Variants in UBE2L3 observed in about 807,000 individuals in gnomAD.
UBE2L3 encodes the protein ubiquitin conjugating enzyme E2 L3, also known as ubiquitin-conjugating enzyme E2 L3.
A neutral mutation model predicts 17.8 loss-of-function variants in UBE2L3; 1 was observed. That is an observed-to-expected ratio of 0.06 (90% CI 0.02 to 0.27). The LOEUF (loss-of-function observed/expected upper bound fraction) is 0.27. Ranked by LOEUF, UBE2L3 falls within the 10% of genes least tolerant of loss-of-function variation. UBE2L3 has a pLI of 1.00. For missense variants in UBE2L3, 40 were observed against 192.6 expected (o/e 0.21, Z 4.69); for synonymous variants, 44 against 68.5 (o/e 0.64, Z 1.76).
At chr22:21,558,209 C>T (rs567906263) in intron 1 of UBE2L3, among the ~76,000 whole-genome samples, 6 of 151,742 alleles carry the variant, frequency 4.0e-5, no homozygotes, top group Non-Finnish European at 8.8e-5. Flanking sequence ...TTTGTGGAGC[C>T]TGCCTGGCCT....
At chr22:21,611,313 C>T (rs957183231) in intron 3 of UBE2L3, among the ~76,000 whole-genome samples, 2 of 152,190 alleles carry the variant, frequency 1.3e-5, no homozygotes, top group Non-Finnish European at 2.9e-5. Context: ...TGGCTTGCTG[C>T]TGGTGCAGAG....
chr22:21,584,688 A>AC (rs1412615972), intron 1 of UBE2L3, among the ~76,000 whole-genome samples: 1 of 149,474 alleles, frequency 6.7e-6, no homozygotes, highest in African/African-American at 2.5e-5. Context: ...CGCTTCGGCA[A>AC]CCCAAAGTGC....
intron 2 of UBE2L3, among the ~76,000 whole-genome samples, chr22:21,595,260 C>T (rs932875707): frequency 2.3e-4 from 35 of 152,204 alleles, no homozygotes; most frequent in Admixed American, 8.5e-4. Flanking sequence ...CTTCCAGGGC[C>T]CCTGGGTTTG....
chr22:21,597,611 A>G (rs1415573302), intron 2 of UBE2L3, among the ~76,000 whole-genome samples: 2 of 151,788 alleles, frequency 1.3e-5, no homozygotes, highest in Non-Finnish European at 2.9e-5. Context: ...AATTTTTAAT[A>G]AAGAAGTCCA....
intron 1 of UBE2L3, among the ~76,000 whole-genome samples, chr22:21,584,680 C>T (rs1314493194): frequency 6.6e-6 from 1 of 150,796 alleles, no homozygotes; most frequent in Admixed American, 6.6e-5. Flanking sequence ...GATTTTCCCG[C>T]TTCGGCAACC....
chr22:21,613,099 C>T (rs1301999237), intron 3 of UBE2L3, among the ~76,000 whole-genome samples: 1 of 152,190 alleles, frequency 6.6e-6, no homozygotes, highest in Non-Finnish European at 1.5e-5. Flanking sequence ...CCAGGAAAGC[C>T]CTGCACCTCA....
intron 3 of UBE2L3, among the ~76,000 whole-genome samples, chr22:21,612,226 C>G (rs1929516040): frequency 6.6e-6 from 1 of 152,214 alleles, no homozygotes; most frequent in South Asian, 2.1e-4. Context: ...AACATTCAGT[C>G]AGGGCAGAAC....
chr22:21,562,861 C>G (rs1294791001), upstream of UBE2L3, among the ~76,000 whole-genome samples: 1 of 151,900 alleles, frequency 6.6e-6, no homozygotes, highest in Non-Finnish European at 1.5e-5. Context: ...GTGCCCAGGA[C>G]TCCATGCTGA....
chr22:21,606,043 T>C (rs1280869815), intron 2 of UBE2L3, among the ~76,000 whole-genome samples: 1 of 152,238 alleles, frequency 6.6e-6, no homozygotes, highest in African/African-American at 2.4e-5. Context: ...CATCATAAAC[T>C]CTGGGTACAG....
chr22:21,616,389 G>C (rs567162446), intron 3 of UBE2L3, among the ~76,000 whole-genome samples: 1 of 152,070 alleles, frequency 6.6e-6, no homozygotes, highest in Non-Finnish European at 1.5e-5. Flanking sequence ...GGTGGGTCAC[G>C]CCTGTAATCC....
intron 1 of UBE2L3, among the ~76,000 whole-genome samples, chr22:21,592,110 A>G (rs951907393): frequency 2.6e-5 from 4 of 152,216 alleles, no homozygotes; most frequent in African/African-American, 9.7e-5. Flanking sequence ...TTCTGGGTGA[A>G]ATGGCACTTG....
rs1926251424 is a variant in UBE2L3, at chr22:21,556,936, C to T, written c.201+7286C>T. Among the ~76,000 whole-genome samples, 3 of 152,344 alleles carry T rather than the reference C, an allele frequency of 2.0e-5. No individual in the cohort carries two copies. The South Asian group carries it at 6.2e-4, about 32-fold the overall frequency. On this transcript the variant is annotated intron_variant, in intron 1 of 3. Transcript: ENST00000458578. ...GGGCATGGTGGCAGGTGCCTGTAAT[C>T]CCAGCTACTCGGGAGGCTGAGGCAG... is the stretch of plus-strand genomic sequence containing the variant.
chr22:21,588,965 A>AT (rs994187851), intron 1 of UBE2L3, among the ~76,000 whole-genome samples: 2 of 150,478 alleles, frequency 1.3e-5, no homozygotes, highest in African/African-American at 2.4e-5. Context: ...CCCGGGCTGT[A>AT]TTTTTTTTAG....
intron 1 of UBE2L3, among the ~76,000 whole-genome samples, chr22:21,557,029 G>T (rs1472785474): frequency 6.6e-6 from 1 of 152,244 alleles, no homozygotes; most frequent in Non-Finnish European, 1.5e-5. Context: ...ACTCCAGCCT[G>T]GGCAACAGAG....
intron 2 of UBE2L3, among the ~76,000 whole-genome samples, chr22:21,607,610 C>A (rs937822267): frequency 6.6e-6 from 1 of 151,462 alleles, no homozygotes; most frequent in Non-Finnish European, 1.5e-5. Context: ...CCATGGCAGA[C>A]CTGGGTGAGG....
At chr22:21,558,662 T>C (rs1373722574) in intron 1 of UBE2L3, among the ~76,000 whole-genome samples, 1 of 152,064 alleles carries the variant, frequency 6.6e-6, no homozygotes, top group Non-Finnish European at 1.5e-5. Context: ...CTTAATTTTT[T>C]TTTTTTTTGT....
chr22:21,576,902 A>G (rs1296484860), intron 1 of UBE2L3, among the ~76,000 whole-genome samples: 1 of 138,702 alleles, frequency 7.2e-6, no homozygotes. Flanking sequence ...CTCTGGGTTC[A>G]AGCAATTCTC....
At chr22:21,595,305 T>A (rs1206174558) in intron 2 of UBE2L3, among the ~76,000 whole-genome samples, 1 of 152,254 alleles carries the variant, frequency 6.6e-6, no homozygotes, top group East Asian at 1.9e-4. Flanking sequence ...TTCTTCCTTC[T>A]CCAGAGCAGT....
intron 1 of UBE2L3, among the ~76,000 whole-genome samples, chr22:21,558,359 G>A (rs184523471): frequency 2.3e-3 from 355 of 152,280 alleles, no homozygotes; most frequent in Middle Eastern, 6.8e-3. Context: ...TTGGCCGGGC[G>A]CAGTGGCTTA....
Sources: gnomAD v4.1 joint callset for allele counts (sites outside exome capture counted in the v4.1 genomes callset) on GRCh38, gnomAD v4.1.1 for gene constraint, MANE v1.5 for transcripts, NCBI Gene and HGNC (gene_info 2026-07-23, HGNC 2026-07-21) for gene names.